The following RABGAP1L variants were observed in gnomAD, a reference collection of about 807,000 sequenced individuals.
RABGAP1L encodes the protein rab GTPase-activating protein 1-like.
In RABGAP1L, 63 loss-of-function variants were observed where a neutral mutation model predicts 137.7. The ratio of observed to expected loss-of-function variants is 0.46; its 90% confidence interval spans 0.37 to 0.56. The LOEUF is 0.56. Ranked by LOEUF, RABGAP1L falls within the 20% of genes least tolerant of loss-of-function variation. RABGAP1L has a pLI of 0.00. For synonymous variants in RABGAP1L, 431 were observed against 433.7 expected (o/e 0.99, Z 0.08); for missense variants, 1,095 against 1,244.0 (o/e 0.88, Z 1.80).
At chr1:174,436,900 T>C (rs1432600288) in intron 13 of RABGAP1L, among the ~76,000 whole-genome samples, 1 of 152,206 alleles carries the variant, frequency 6.6e-6, no homozygotes, top group Non-Finnish European at 1.5e-5. Context: ...GCAGCAGCAT[T>C]TGCGGTTCAA....
intron 13 of RABGAP1L, among the ~76,000 whole-genome samples, chr1:174,572,700 C>T (rs1023090750): frequency 2.0e-5 from 3 of 152,070 alleles, no homozygotes; most frequent in African/African-American, 7.2e-5. Flanking sequence ...TTTTTAAATA[C>T]GTTAAAGTTA....
intron 13 of RABGAP1L, among the ~76,000 whole-genome samples, chr1:174,495,911 G>A (rs906147880): frequency 6.6e-6 from 1 of 152,092 alleles, no homozygotes; most frequent in African/African-American, 2.4e-5. Context: ...TTAGAGATGA[G>A]ATCTTGCTGT....
At chr1:174,297,195 CAT>C (rs1677205035) in intron 10 of RABGAP1L, among the ~76,000 whole-genome samples, 3 of 152,126 alleles carry the variant, frequency 2.0e-5, no homozygotes, top group Non-Finnish European at 2.9e-5. Flanking sequence ...AAGAGAAAAA[CAT>C]AGAAATTTAT....
intron 14 of RABGAP1L, among the ~76,000 whole-genome samples, chr1:174,654,271 CAGCAT>C (rs1488879046): frequency 2.0e-5 from 3 of 152,294 alleles, no homozygotes; most frequent in African/African-American, 7.2e-5. Flanking sequence ...AATGATTTTA[CAGCAT>C]AGCAGTCAGT....
chr1:174,461,771 C>T (rs917373721), intron 13 of RABGAP1L, among the ~76,000 whole-genome samples: 8 of 152,008 alleles, frequency 5.3e-5, no homozygotes, highest in East Asian at 1.9e-4. Context: ...GAGAGTTGAA[C>T]GATGATTTAA....
At chr1:174,186,138 C>T (rs946130493) in intron 1 of RABGAP1L, among the ~76,000 whole-genome samples, 1 of 148,348 alleles carries the variant, frequency 6.7e-6, no homozygotes, top group Non-Finnish European at 1.5e-5. Context: ...GAGCGAAATT[C>T]CATCTCAAAA....
intron 13 of RABGAP1L, among the ~76,000 whole-genome samples, chr1:174,493,375 TC>T (rs1456042681): frequency 6.6e-6 from 1 of 150,496 alleles, no homozygotes; most frequent in Admixed American, 6.6e-5. Flanking sequence ...AAAATTTATA[TC>T]TAGAATAACA....
At chr1:174,596,598 G>C (rs1355247610) in intron 13 of RABGAP1L, among the ~76,000 whole-genome samples, 1 of 152,048 alleles carries the variant, frequency 6.6e-6, no homozygotes, top group East Asian at 1.9e-4. Context: ...TTACTTCTCA[G>C]TTCTAATAAT....
At chr1:174,989,634 C>T (rs1288734607) in intron 25 of RABGAP1L, among the ~76,000 whole-genome samples, 3 of 152,166 alleles carry the variant, frequency 2.0e-5, no homozygotes, top group Non-Finnish European at 4.4e-5. Flanking sequence ...TTTTCTTTCA[C>T]TGTTTAAAGA....
At chr1:174,708,043 T>A (rs1680180492) in intron 17 of RABGAP1L, among the ~76,000 whole-genome samples, 1 of 152,208 alleles carries the variant, frequency 6.6e-6, no homozygotes, top group Non-Finnish European at 1.5e-5. Context: ...GTACCAAATA[T>A]GTTCAGCTTT....
intron 6 of RABGAP1L, among the ~76,000 whole-genome samples, chr1:174,250,917 C>T (rs1432369625): frequency 1.3e-5 from 2 of 152,282 alleles, no homozygotes; most frequent in East Asian, 1.9e-4. Flanking sequence ...TCTCCTGCCT[C>T]GGCCTCCTAA....
intron 13 of RABGAP1L, among the ~76,000 whole-genome samples, chr1:174,541,724 C>G (rs1390214196): frequency 6.6e-6 from 1 of 151,650 alleles, no homozygotes; most frequent in African/African-American, 2.4e-5. Context: ...TGTAGTGAGC[C>G]GAGATCATGC....
chr1:174,246,091 T>C (rs2148576885), intron 5 of RABGAP1L: 1 of 152,328 alleles, frequency 6.6e-6, no homozygotes, highest in East Asian at 1.9e-4. Flanking sequence ...ACTTTTAAGA[T>C]GTAATACATA....
intron 19 of RABGAP1L, among the ~76,000 whole-genome samples, chr1:174,942,966 A>G (rs1666137991): frequency 6.6e-6 from 1 of 152,216 alleles, no homozygotes; most frequent in Non-Finnish European, 1.5e-5. Flanking sequence ...CTCAGCACCC[A>G]GCAGAATGAT....
At chr1:174,338,728 T>A (rs2148885690) in intron 11 of RABGAP1L, among the ~76,000 whole-genome samples, 1 of 152,184 alleles carries the variant, frequency 6.6e-6, no homozygotes, top group South Asian at 2.1e-4. Context: ...AAATTGTTCC[T>A]TTGGAAAAGT....
At chr1:174,919,548 TA>T (rs1288752588) in intron 19 of RABGAP1L, among the ~76,000 whole-genome samples, 11 of 152,064 alleles carry the variant, frequency 7.2e-5, no homozygotes, top group Non-Finnish European at 1.6e-4. Flanking sequence ...TTTAGTGTAA[TA>T]AAAAAATTAA....
At chr1:174,435,805 CT>C (rs1653207968) in intron 13 of RABGAP1L, among the ~76,000 whole-genome samples, 1 of 137,932 alleles carries the variant, frequency 7.2e-6, no homozygotes, top group African/African-American at 3.1e-5. Flanking sequence ...TCCCTCCCCT[CT>C]CCCCCGACAC....
intron 19 of RABGAP1L, among the ~76,000 whole-genome samples, chr1:174,920,806 G>A (rs1414499250): frequency 2.0e-5 from 3 of 152,144 alleles, no homozygotes; most frequent in Admixed American, 1.3e-4. Context: ...TACAAGCCAC[G>A]AATTGAGCCC....
intron 13 of RABGAP1L, among the ~76,000 whole-genome samples, chr1:174,578,064 T>A (rs1432091212): frequency 6.6e-6 from 1 of 152,248 alleles, no homozygotes; most frequent in African/African-American, 2.4e-5. Context: ...GAAATAAGTA[T>A]AGTGGTAAAA....
Sources: gnomAD v4.1 joint callset for allele counts (sites outside exome capture counted in the v4.1 genomes callset) on GRCh38, gnomAD v4.1.1 for gene constraint, MANE v1.5 for transcripts, NCBI Gene and HGNC (gene_info 2026-07-23, HGNC 2026-07-21) for gene names.